ECT2: variants seen among roughly 807,000 people sequenced by gnomAD.
ECT2 encodes the protein protein ECT2.
In ECT2, 61 loss-of-function variants were observed where a neutral mutation model predicts 116.9. The observed-to-expected ratio is 0.52, with a 90% CI of 0.42 to 0.65. The LOEUF (loss-of-function observed/expected upper bound fraction) is 0.65. ECT2 is among the 30% of genes least tolerant of loss of function. ECT2 has a pLI of 0.00. For missense variants in ECT2, 937 were observed against 1,078.7 expected (o/e 0.87, Z 1.84); for synonymous variants, 358 against 346.4 (o/e 1.03, Z -0.37).
At chr3:172,809,042 T>C (rs1728262755) in intron 22 of ECT2, among the ~76,000 whole-genome samples, 1 of 152,160 alleles carries the variant, frequency 6.6e-6, no homozygotes, top group African/African-American at 2.4e-5. Context: ...ACCACTTTTG[T>C]TATAAATCTT....
chr3:172,774,753 C>G (rs1187870157), intron 14 of ECT2, among the ~76,000 whole-genome samples: 2 of 152,186 alleles, frequency 1.3e-5, no homozygotes, highest in African/African-American at 4.8e-5. Flanking sequence ...ATCCTCCTGC[C>G]TTAGCCTCTC....
In ECT2 at chr3:172,786,557, A is replaced by G. The variant is rs1723640741; in HGVS notation, c.1890A>G (p.Ser630=). The part of the protein sequence containing the change: ...DKSTLEKAIG[S]LKEVMTHINE... Reference sequence around the variant, plus strand: ...GCACTTTAGAAAAAGCTATTGGATCACTGAAGGAAGTAATGACGTAAGTGC... The same window carrying G: ...GCACTTTAGAAAAAGCTATTGGATCGCTGAAGGAAGTAATGACGTAAGTGC... The change falls in exon 18 of 25, where the codon TCA becomes TCG. Residue 630 remains serine, a synonymous_variant. Transcript: ENST00000392692. 1 of 1,609,646 alleles carries G rather than the reference A, an allele frequency of 6.2e-7. No individual in the cohort carries two copies. The highest frequency in any genetic ancestry group is 1.7e-4 in the Middle Eastern group (1 of 6,046).
chr3:172,799,449 T>A (rs1003018439), intron 18 of ECT2, among the ~76,000 whole-genome samples: 5 of 152,212 alleles, frequency 3.3e-5, no homozygotes, highest in African/African-American at 1.2e-4. Context: ...CTACCCCTCT[T>A]GATGCCTATC....
At chr3:172,807,240 T>C (rs1304796790) in intron 21 of ECT2, among the ~76,000 whole-genome samples, 1 of 152,208 alleles carries the variant, frequency 6.6e-6, no homozygotes, top group Non-Finnish European at 1.5e-5. Flanking sequence ...CTATATTGTT[T>C]AGGGAATGAT....
intron 14 of ECT2, among the ~76,000 whole-genome samples, chr3:172,777,083 G>T (rs892663045): frequency 6.6e-6 from 1 of 152,044 alleles, no homozygotes; most frequent in Admixed American, 6.5e-5. Context: ...CATTGGCCAG[G>T]CAGGTCTCAA....
chr3:172,794,777 C>T (rs1212661938), intron 18 of ECT2, among the ~76,000 whole-genome samples: 3 of 152,122 alleles, frequency 2.0e-5, no homozygotes, highest in Non-Finnish European at 2.9e-5. Flanking sequence ...TGCAGTGGCA[C>T]GGTCTCGGCT....
intron 18 of ECT2, among the ~76,000 whole-genome samples, chr3:172,802,053 G>T (rs978951708): frequency 6.6e-6 from 1 of 152,094 alleles, no homozygotes; most frequent in Non-Finnish European, 1.5e-5. Flanking sequence ...ATATAGAAAG[G>T]AATAATAGTA....
Position 172,786,546 on chromosome 3 carries a change from G to T in ECT2, c.1879G>T (p.Ala627Ser). 6.2e-7 allele frequency: 1 copy of T among 1,610,602 alleles called. No individual in the cohort carries two copies. Reference protein sequence around the residue: ...ENPDKSTLEKAIGSLKEVMTH... With the variant: ...ENPDKSTLEKSIGSLKEVMTH... ...TCCAGACAAAAGCACTTTAGAAAAA[G>T]CTATTGGATCACTGAAGGAAGTAAT... Residue 627 changes from alanine (A) to serine (S), a missense_variant, in exon 18 of 25, where the codon GCT becomes TCT. Transcript: ENST00000392692.
chr3:172,754,581 A>T lies in ECT2; in HGVS notation c.51A>T (p.Ala17=). The T allele has an allele frequency of 6.2e-7, 1 of 1,611,830 alleles. No homozygotes were observed. Among genetic ancestry groups the T allele is most frequent in the Non-Finnish European group, 8.5e-7 (1 of 1,178,706 alleles). The change falls in exon 2 of 25, where the codon GCA becomes GCT. Residue 17 remains alanine (A), a synonymous_variant. Coordinates refer to ENST00000392692, the MANE Select transcript of ECT2 (RefSeq NM_001258315.2). Reference sequence around the variant, plus strand: ...CCACTACTGGGAGGACTAGCTTGGCAGACTCTTCCATTTTTGATTCTAAAG... The same window carrying T: ...CCACTACTGGGAGGACTAGCTTGGCTGACTCTTCCATTTTTGATTCTAAAG... ...LTSTTGRTSL[A]DSSIFDSKVT...
chr3:172,807,852 T>G lies in ECT2; in HGVS notation c.2328T>G (p.Asp776Glu). 6.2e-7 allele frequency: 1 copy of G among 1,614,000 alleles called. No individual in the cohort carries two copies. Among genetic ancestry groups the G allele is most frequent in the Admixed American group, 1.7e-5 (1 of 60,020 alleles). The change falls in exon 22 of 25, where the codon GAT (aspartate) becomes GAG (glutamate). Residue 776 changes from aspartate to glutamate, a missense_variant. Transcript: ENST00000392692. Reference sequence around the variant, plus strand: ...TACTCAGTTTCCAGATGACATCAGATGAACTTCCAAAAGAAAACTGGCTAA... The same window carrying G: ...TACTCAGTTTCCAGATGACATCAGAGGAACTTCCAAAAGAAAACTGGCTAA... ...NVLLSFQMTS[D>E]ELPKENWLKM... is the part of the protein sequence containing the mutation.
In ECT2 at chr3:172,755,343, G is replaced by T; in HGVS notation, c.179G>T (p.Gly60Val). ...AGAGTGATATTGGTTCAAGAAGCTG[G>T]AAAACAAGAAGAACTTATAAAAGCC... ...ETRVILVQEA[G>V]KQEELIKALK... is the part of the protein sequence containing the mutation. Residue 60 changes from glycine to valine, a missense_variant, in exon 3 of 25, where the codon GGA (glycine) becomes GTA (valine). Coordinates refer to ENST00000392692, the MANE Select transcript of ECT2 (RefSeq NM_001258315.2). 3 of 1,605,046 alleles carry T rather than the reference G, an allele frequency of 1.9e-6. No individual in the cohort carries two copies. Among genetic ancestry groups the T allele is most frequent in the Middle Eastern group, 3.3e-4 (2 of 5,996 alleles).
Position 172,805,862 on chromosome 3 carries a change from G to A in ECT2, c.2238G>A (p.Glu746=), listed in dbSNP as rs780400822. 3.0e-5 allele frequency: 48 copies of A among 1,612,638 alleles called. No individual in the cohort carries two copies. The Admixed American group carries it at 7.9e-4, about 26-fold the overall frequency. ...SQIKKVLDIR[E]TEDCHNAFAL... ...TTAAGAAGGTATTGGACATAAGAGA[G>A]ACAGAAGGTATGCCGGTCGGATACA... is the stretch of plus-strand genomic sequence containing the variant. The change falls in exon 21 of 25, where the codon GAG becomes GAA. Residue 746 remains glutamate, a synonymous_variant. Transcript: ENST00000392692.
At chr3:172,778,087 G>A (rs570755227) in intron 14 of ECT2, among the ~76,000 whole-genome samples, 8 of 152,250 alleles carry the variant, frequency 5.3e-5, no homozygotes, top group East Asian at 3.9e-4. Context: ...TTAATTCTGC[G>A]CTGTTTCTAC....
At chr3:172,818,820 C>A in intron 24 of ECT2, 3 of 1,152,072 alleles carry the variant, frequency 2.6e-6, no homozygotes, top group South Asian at 1.7e-5. Flanking sequence ...TTAATGTGAG[C>A]TTATTAGCTA....
intron 24 of ECT2, among the ~76,000 whole-genome samples, chr3:172,817,771 CA>C (rs764781435): frequency 6.6e-6 from 1 of 151,998 alleles, no homozygotes. Context: ...AAGTGACTGT[CA>C]TTTCTTAGCT....
rs943860204 is a variant in ECT2 at position 172,820,951 on chromosome 3, G to C, written c.*714G>C. ...TTTGTAGCTGTTTCAGAGAGAGTAC[G>C]GTATATTTATGGTAATTTTATCCAC... On this transcript the variant is annotated 3_prime_UTR_variant, in exon 25 of 25. Coordinates refer to ENST00000392692, the MANE Select transcript of ECT2 (RefSeq NM_001258315.2). 2.0e-5 allele frequency: 3 copies of C among 151,800 alleles called. No individual in the cohort carries two copies. The highest frequency in any genetic ancestry group is 2.9e-5 in the Non-Finnish European group (2 of 67,800). The allele number at this position is 151,800 out of a possible 1,614,324, so 9.4% of individuals were successfully genotyped here.
chr3:172,812,227 A>T (rs79935622), intron 22 of ECT2, among the ~76,000 whole-genome samples: 1,722 of 152,240 alleles, frequency 0.011, 16 homozygotes, highest in Middle Eastern at 0.027. Flanking sequence ...GCTTCAAGTG[A>T]TCTGCCCCCC....
At chr3:172,753,190 C>A (rs113430955) in intron 1 of ECT2, among the ~76,000 whole-genome samples, 1,569 of 152,216 alleles carry the variant, frequency 0.01, 34 homozygotes, top group African/African-American at 0.035. Flanking sequence ...ACCTCAAACT[C>A]CTGGATTCAA....
rs1723627076 is a variant in ECT2, at chr3:172,786,486, A to G, written c.1826-7A>G. 2 of 1,591,142 alleles carry G rather than the reference A, an allele frequency of 1.3e-6. No homozygotes were observed. The highest frequency in any genetic ancestry group is 2.2e-5 in the South Asian group (2 of 89,030). On this transcript the variant is annotated splice_polypyrimidine_tract_variant and splice_region_variant and intron_variant, in intron 17 of 24. Transcript: ENST00000392692. ...TTATGCATGGAAAAAACATTGTATT[A>G]TTACAGATCTTAAGAAGCATACAGC...
Sources: allele counts gnomAD v4.1 joint callset (sites outside exome capture counted in the v4.1 genomes callset), GRCh38; gene constraint gnomAD v4.1.1; transcripts MANE v1.5; gene names NCBI Gene and HGNC (gene_info 2026-07-23, HGNC 2026-07-21).